The following CRYL1 variants were observed in gnomAD, a reference collection of about 807,000 sequenced individuals.
CRYL1 encodes lambda-crystallin homolog.
In CRYL1, 29 loss-of-function variants were observed where a neutral mutation model predicts 36.6. The ratio of observed to expected loss-of-function variants is 0.79; its 90% CI spans 0.59 to 1.08. The LOEUF is 1.08. Among genes scored for constraint, CRYL1 ranks in the 50% least tolerant of loss-of-function variants. The probability of loss-of-function intolerance (pLI) is 0.00; values close to 1 mark genes in which losing one functional copy is unlikely to be tolerated. For missense variants in CRYL1, 411 were observed against 407.9 expected (o/e 1.01, Z -0.06); for synonymous variants, 152 against 151.5 (o/e 1.00, Z -0.02).
At chr13:20,501,997 T>C (rs2033711613) in intron 2 of CRYL1, among the ~76,000 whole-genome samples, 1 of 152,166 alleles carries the variant, frequency 6.6e-6, no homozygotes, top group Non-Finnish European at 1.5e-5. Context: ...CTAACAATCA[T>C]GGCAGGTGTT....
chr13:20,506,377 A>G (rs1209330438), intron 2 of CRYL1, among the ~76,000 whole-genome samples: 1 of 152,350 alleles, frequency 6.6e-6, no homozygotes, highest in South Asian at 2.1e-4. Context: ...CTTCTAGAAT[A>G]TGACTGCTAA....
chr13:20,508,442 T>A (rs1265224110), intron 2 of CRYL1, among the ~76,000 whole-genome samples: 1 of 152,190 alleles, frequency 6.6e-6, no homozygotes, highest in African/African-American at 2.4e-5. Flanking sequence ...TTTACAATTA[T>A]AAAATTAACG....
chr13:20,432,423 C>A, intron 4 of CRYL1, 127 bp from the exon 5 acceptor site: 2 of 570,688 alleles, frequency 3.5e-6, no homozygotes, highest in East Asian at 2.9e-5. Flanking sequence ...CAGTGGCCAA[C>A]AACAAGATAC....
At chr13:20,508,542 T>G (rs763291481) in intron 2 of CRYL1, among the ~76,000 whole-genome samples, 3 of 152,086 alleles carry the variant, frequency 2.0e-5, no homozygotes, top group Non-Finnish European at 4.4e-5. Context: ...ACATTTCCTG[T>G]GATGCCTTTT....
chr13:20,497,257 C>T (rs1234939681), intron 2 of CRYL1, among the ~76,000 whole-genome samples: 2 of 151,928 alleles, frequency 1.3e-5, no homozygotes, highest in African/African-American at 4.8e-5. Flanking sequence ...TGCCCACACA[C>T]CACATACACA....
chr13:20,507,011 C>G (rs2137500430), intron 2 of CRYL1, among the ~76,000 whole-genome samples: 1 of 152,310 alleles, frequency 6.6e-6, no homozygotes, highest in East Asian at 1.9e-4. Flanking sequence ...CTCACGAGAT[C>G]TGATGGTTTT....
chr13:20,430,704 A>G (rs2032039900), intron 5 of CRYL1: 1 of 985,304 alleles, frequency 1.0e-6, no homozygotes, highest in South Asian at 4.7e-5. Flanking sequence ...ATATTGGAGA[A>G]AGCAAGAGTT....
chr13:20,475,999 C>T (rs1334202369), intron 3 of CRYL1, among the ~76,000 whole-genome samples: 2 of 152,154 alleles, frequency 1.3e-5, no homozygotes, highest in Non-Finnish European at 2.9e-5. Flanking sequence ...GTCACCTGCC[C>T]CACGCACACG....
At chr13:20,489,910 T>A (rs983147408) in intron 2 of CRYL1, among the ~76,000 whole-genome samples, 1 of 152,036 alleles carries the variant, frequency 6.6e-6, no homozygotes, top group Non-Finnish European at 1.5e-5. Flanking sequence ...CATCAATAGA[T>A]GAGTAGATAA....
At chr13:20,430,793 GA>G in intron 5 of CRYL1, 2 of 985,388 alleles carry the variant, frequency 2.0e-6, no homozygotes, top group Non-Finnish European at 2.4e-6. Flanking sequence ...TTCAACAAGT[GA>G]ACATGGGCAA....
At chr13:20,519,377 T>C (rs539329203) in intron 1 of CRYL1, among the ~76,000 whole-genome samples, 2 of 152,274 alleles carry the variant, frequency 1.3e-5, no homozygotes, top group African/African-American at 2.4e-5. Flanking sequence ...GTGGGATTGA[T>C]GAAAGACTGC....
intron 1 of CRYL1, among the ~76,000 whole-genome samples, chr13:20,520,494 G>A (rs916895779): frequency 7.2e-5 from 11 of 152,230 alleles, no homozygotes; most frequent in Admixed American, 2.0e-4. Flanking sequence ...CCTTGGAATC[G>A]CAATTATCTG....
intron 5 of CRYL1, among the ~76,000 whole-genome samples, chr13:20,423,972 T>C (rs934487274): frequency 1.3e-5 from 2 of 152,024 alleles, no homozygotes; most frequent in African/African-American, 4.8e-5. Flanking sequence ...GGTTTCACCT[T>C]GTTGGCCAGA....
At chr13:20,443,496 G>C (rs528567070) in intron 3 of CRYL1, among the ~76,000 whole-genome samples, 1 of 152,024 alleles carries the variant, frequency 6.6e-6, no homozygotes, top group South Asian at 2.1e-4. Flanking sequence ...TATGTCAAGC[G>C]AGTCTCCTGC....
rs1462585538 is a variant in CRYL1 at position 20,525,687 on chromosome 13, C to A, written c.41+67G>T. On this transcript the variant is annotated intron_variant, in intron 1 of 7. Coordinates refer to ENST00000298248, the MANE Select transcript of CRYL1 (RefSeq NM_015974.3). This position sits in a 1 kb window ranked among gnomAD's most constrained non-coding sequence, Gnocchi z 4.3. The stretch of plus-strand genomic sequence containing the variant: ...CGGCGCCCACCCCGAGGGCCCCACG[C>A]GAGGGCACCACGTCCCCGGCGTCTC... The A allele has an allele frequency of 4.9e-5, 62 of 1,275,546 alleles. No homozygotes were observed. Among genetic ancestry groups the A allele is most frequent in the Non-Finnish European group, 6.1e-5 (61 of 996,304 alleles). 79.0% of individuals were successfully genotyped at this position (1,275,546 alleles called of 1,614,324 possible).
chr13:20,461,956 A>G (rs1593460727), intron 3 of CRYL1, among the ~76,000 whole-genome samples: 1 of 51,390 alleles, frequency 1.9e-5, no homozygotes, highest in African/African-American at 7.5e-5. Context: ...GGGTGGGAGG[A>G]GGAGGTGGGA....
At chr13:20,460,817 G>T (rs61955480) in intron 3 of CRYL1, among the ~76,000 whole-genome samples, 1 of 152,076 alleles carries the variant, frequency 6.6e-6, no homozygotes, top group East Asian at 1.9e-4. Flanking sequence ...GAGCCACTGC[G>T]CCCCGCCGGC....
At chr13:20,509,195 C>CAA (rs1221695401) in intron 2 of CRYL1, among the ~76,000 whole-genome samples, 12 of 103,256 alleles carry the variant, frequency 1.2e-4, no homozygotes, top group Admixed American at 1.9e-4. Flanking sequence ...ACTCAATCCC[C>CAA]AAAAAAAAAA....
At chr13:20,482,483 A>G (rs1391660469) in intron 3 of CRYL1, among the ~76,000 whole-genome samples, 1 of 152,218 alleles carries the variant, frequency 6.6e-6, no homozygotes, top group Admixed American at 6.5e-5. Context: ...TTTTTCCAGA[A>G]CAGTAGGTTT....
Sources: gnomAD v4.1 joint callset for allele counts (sites outside exome capture counted in the v4.1 genomes callset) on GRCh38, gnomAD v4.1.1 for gene constraint, Gnocchi (gnomAD v3.1) non-coding constraint, MANE v1.5 for transcripts, NCBI Gene and HGNC (gene_info 2026-07-23, HGNC 2026-07-21) for gene names.